Variants in ANK3 observed in about 807,000 individuals in gnomAD.
ANK3 encodes the protein ankyrin 3, also known as ankyrin-3.
A neutral mutation model predicts 370.9 loss-of-function variants in ANK3; 57 were observed. The ratio of observed to expected loss-of-function variants is 0.15; its 90% CI spans 0.12 to 0.19. ANK3 has a LOEUF of 0.19. Among genes scored for constraint, ANK3 ranks in the 10% least tolerant of loss-of-function variants. ANK3 has a pLI of 1.00. For missense variants in ANK3, 4,439 were observed against 5,302.1 expected (o/e 0.84, Z 5.06); for synonymous variants, 1,929 against 1,946.3 (o/e 0.99, Z 0.23).
intron 2 of ANK3, among the ~76,000 whole-genome samples, chr10:60,601,196 C>CACACAT (rs1555395935): frequency 7.9e-5 from 12 of 151,442 alleles, no homozygotes; most frequent in African/African-American, 2.7e-4. Flanking sequence ...CACACACACA[C>CACACAT]ATACCCGCAC....
chr10:60,594,535 C>A (rs1020293464), intron 2 of ANK3, among the ~76,000 whole-genome samples: 77 of 151,910 alleles, frequency 5.1e-4, no homozygotes, highest in African/African-American at 9.7e-5. Context: ...TAACATTGTG[C>A]AAATTAATGT....
intron 2 of ANK3, among the ~76,000 whole-genome samples, chr10:60,484,292 C>T (rs1248147363): frequency 1.3e-5 from 2 of 152,062 alleles, no homozygotes; most frequent in Non-Finnish European, 2.9e-5. Context: ...AAAGCTTTAT[C>T]AAGTTAATTA....
At chr10:60,418,657 A>G (rs1204601880) in intron 2 of ANK3, among the ~76,000 whole-genome samples, 1 of 152,080 alleles carries the variant, frequency 6.6e-6, no homozygotes. Context: ...TATCAGATAA[A>G]CAATATTTTT....
chr10:60,517,351 C>T (rs937030828), intron 2 of ANK3, among the ~76,000 whole-genome samples: 2 of 152,082 alleles, frequency 1.3e-5, no homozygotes, highest in African/African-American at 4.8e-5. Flanking sequence ...GTGTGAACCA[C>T]TGTGCCCAGC....
intron 8 of ANK3, among the ~76,000 whole-genome samples, chr10:60,230,119 T>A (rs146973011): frequency 6.6e-6 from 1 of 152,182 alleles, no homozygotes; most frequent in Non-Finnish European, 1.5e-5. Flanking sequence ...TGAAAAGAGA[T>A]AGAGAACTCA....
At chr10:60,725,222 T>G (rs1032731978) in intron 1 of ANK3, among the ~76,000 whole-genome samples, 1 of 152,180 alleles carries the variant, frequency 6.6e-6, no homozygotes, top group Non-Finnish European at 1.5e-5. Context: ...ATTCCTTATG[T>G]TTATCTAATC....
chr10:60,027,163 T>C lies in ANK3; in HGVS notation c.*2683A>G, dbSNP rs965660334. On this transcript the variant is annotated 3_prime_UTR_variant, in exon 44 of 44. Coordinates refer to ENST00000280772, the MANE Select transcript of ANK3 (RefSeq NM_020987.5). ...TAATACCTAAACAGGTATACATCAT[T>C]GAGTTTCTGGTTCAGGATAAACACC... 5 of 152,078 alleles carry C rather than the reference T, an allele frequency of 3.3e-5. No individual in the cohort carries two copies. The highest frequency in any genetic ancestry group is 1.2e-4 in the African/African-American group (5 of 41,402). The allele number at this position is 152,078 out of a possible 1,614,324, so 9.4% of individuals were successfully genotyped here.
chr10:60,632,852 A>C (rs1213533075), intron 1 of ANK3, among the ~76,000 whole-genome samples: 1 of 152,032 alleles, frequency 6.6e-6, no homozygotes, highest in Admixed American at 6.6e-5. Context: ...ACTGCACTCC[A>C]GCCTGGGTGA....
intron 25 of ANK3, among the ~76,000 whole-genome samples, chr10:60,125,622 C>T (rs1397219087): frequency 6.6e-6 from 1 of 152,116 alleles, no homozygotes; most frequent in African/African-American, 2.4e-5. Flanking sequence ...TGAGCACCCC[C>T]CTTAGAAATT....
chr10:60,301,656 A>C (rs2043850066), intron 1 of ANK3, among the ~76,000 whole-genome samples: 1 of 151,994 alleles, frequency 6.6e-6, no homozygotes, highest in African/African-American at 2.4e-5. Flanking sequence ...AGCTCAAATG[A>C]TCTGCCCACC....
intron 1 of ANK3, among the ~76,000 whole-genome samples, chr10:60,358,913 T>G (rs2058193523): frequency 6.6e-6 from 1 of 152,072 alleles, no homozygotes; most frequent in African/African-American, 2.4e-5. Context: ...TTCTGAGAGG[T>G]CTATCCTAAC....
chr10:60,644,723 C>T (rs371896683), intron 1 of ANK3, among the ~76,000 whole-genome samples: 60 of 151,432 alleles, frequency 4.0e-4, no homozygotes, highest in African/African-American at 1.3e-3. Flanking sequence ...GAAGAGATCA[C>T]GTATCTTACA....
chr10:60,655,048 T>G (rs1183475622), intron 1 of ANK3, among the ~76,000 whole-genome samples: 1 of 152,132 alleles, frequency 6.6e-6, no homozygotes, highest in Non-Finnish European at 1.5e-5. Flanking sequence ...AAGACTGGTG[T>G]AAACAAAGCT....
chr10:60,652,355 T>C (rs2078800399), intron 1 of ANK3, among the ~76,000 whole-genome samples: 1 of 152,008 alleles, frequency 6.6e-6, no homozygotes. Context: ...TGAGCCATGA[T>C]TGCACCACTG....
In ANK3 at chr10:60,628,884, T is replaced by G. The variant is rs149496782; in HGVS notation, c.58-13660A>C. 1.9e-3 allele frequency among the ~76,000 whole-genome samples: 286 copies of G among 152,300 alleles called. 2 individuals carry two copies. The highest frequency in any genetic ancestry group is 6.5e-3 in the African/African-American group (272 of 41,572). On this transcript the variant is annotated intron_variant, in intron 1 of 43. Transcript: ENST00000373827. ...ACATGACATGCCTAACATTTCCAAT[T>G]GGTTAGGAATTTCAAAGTGATTGCT...
intron 26 of ANK3, among the ~76,000 whole-genome samples, chr10:60,111,495 T>C (rs2092705705): frequency 6.6e-6 from 1 of 152,186 alleles, no homozygotes; most frequent in Admixed American, 6.5e-5. Context: ...TCATGCAACA[T>C]AACTTATAGA....
At chr10:60,038,622 G>C (rs1186602143) in intron 43 of ANK3, among the ~76,000 whole-genome samples, 1 of 152,056 alleles carries the variant, frequency 6.6e-6, no homozygotes, top group Non-Finnish European at 1.5e-5. Flanking sequence ...GCATCTATAA[G>C]GAATTTAAAT....
Position 60,477,508 on chromosome 10 carries a change from G to GACATAC in ANK3, c.96+137677_96+137678insGTATGT, listed in dbSNP as rs1279888980. 3.9e-3 allele frequency among the ~76,000 whole-genome samples: 449 copies of GACATAC among 116,484 alleles called. 1 individual carries two copies. The highest frequency in any genetic ancestry group is 5.4e-3 in the Non-Finnish European group (292 of 53,982). The allele number at this position is 116,484 out of a possible 152,430, so 76.4% of individuals were successfully genotyped here. ...AAATATACATACCTACTGACAGACA[G>GACATAC]ACAGACATACACACACACACACACA... On this transcript the variant is annotated intron_variant, in intron 2 of 43. Transcript: ENST00000373827.
chr10:60,363,970 GTTTTTTTTTTT>G (rs113960102), intron 1 of ANK3, among the ~76,000 whole-genome samples: 3 of 138,232 alleles, frequency 2.2e-5, no homozygotes, highest in South Asian at 2.2e-4. Context: ...AAGGAGAAGT[GTTTTTTTTTTT>G]TTTTTTTTTT....
Sources: gnomAD v4.1 joint callset for allele counts (sites outside exome capture counted in the v4.1 genomes callset) on GRCh38, gnomAD v4.1.1 for gene constraint, MANE v1.5 for transcripts, NCBI Gene and HGNC (gene_info 2026-07-23, HGNC 2026-07-21) for gene names.